CRB1: variants seen among roughly 807,000 people sequenced by gnomAD.
CRB1 encodes the protein crumbs cell polarity complex component 1, also known as protein crumbs homolog 1.
A neutral mutation model predicts 120.0 loss-of-function variants in CRB1; 83 were observed. The observed-to-expected ratio is 0.69, with a 90% CI of 0.58 to 0.83. CRB1 has a LOEUF of 0.83. CRB1 is among the 40% of genes least tolerant of loss of function. The pLI, the probability that CRB1 is intolerant of heterozygous loss-of-function variation, is 0.00. For synonymous variants in CRB1, 625 were observed against 612.5 expected (o/e 1.02, Z -0.30); for missense variants, 1,699 against 1,687.6 (o/e 1.01, Z -0.12).
intron 1 of CRB1, among the ~76,000 whole-genome samples, chr1:197,309,406 G>A (rs932084891): frequency 5.3e-5 from 8 of 151,766 alleles, no homozygotes; most frequent in Admixed American, 1.3e-4. Flanking sequence ...TTCTCCTTTC[G>A]TTTCTTCCAT....
At chr1:197,444,775 A>G (rs1665618913) in intron 11 of CRB1, 1 of 152,112 alleles carries the variant, frequency 6.6e-6, no homozygotes, top group Non-Finnish European at 1.5e-5. Flanking sequence ...GTGTGTGACT[A>G]TGGCTTTTAC....
chr1:197,457,216 G>A (rs368860541), intron 11 of CRB1, among the ~76,000 whole-genome samples: 4 of 151,870 alleles, frequency 2.6e-5, no homozygotes, highest in African/African-American at 4.8e-5. Flanking sequence ...TCATAGCATC[G>A]TATAATAATA....
chr1:197,427,981 G>A lies in CRB1; in HGVS notation c.2656G>A (p.Ala886Thr). ...PVLVNVTQGCAGDNSCKSNPC... is the reference protein window; with the variant it reads ...PVLVNVTQGCTGDNSCKSNPC... ...TCTTGTCAATGTAACCCAAGGCTGT[G>A]CTGGAGACAACAGCTGCAAGGTAAT... The change falls in exon 7 of 12, where the codon GCT becomes ACT. Residue 886 changes from alanine (A) to threonine (T), a missense_variant. Coordinates refer to ENST00000367400, the MANE Select transcript of CRB1 (RefSeq NM_201253.3). The A allele has an allele frequency of 6.2e-7, 1 of 1,613,810 alleles. No individual in the cohort carries two copies.
chr1:197,327,123 A>ACAAC (rs762419166), intron 1 of CRB1, among the ~76,000 whole-genome samples: 57,283 of 127,984 alleles, frequency 0.45, 14,573 homozygotes, highest in East Asian at 0.86. Flanking sequence ...AAAAAAAAAA[A>ACAAC]AAAAAAAAAC....
chr1:197,433,901 G>A (rs1664997325), intron 8 of CRB1, among the ~76,000 whole-genome samples: 1 of 152,098 alleles, frequency 6.6e-6, no homozygotes, highest in African/African-American at 2.4e-5. Context: ...AGATTTGATG[G>A]ATATCTGAGG....
chr1:197,450,784 C>CAAAAAAA (rs71131758), intron 11 of CRB1, among the ~76,000 whole-genome samples: 3 of 59,614 alleles, frequency 5.0e-5, no homozygotes, highest in African/African-American at 8.5e-5. Flanking sequence ...ACTAAAAATA[C>CAAAAAAA]AAAAAAAAAA....
At chr1:197,293,093 A>G (rs1164614823) in intron 1 of CRB1, among the ~76,000 whole-genome samples, 1 of 152,164 alleles carries the variant, frequency 6.6e-6, no homozygotes. Context: ...AATAAATGGT[A>G]TTCGATCAGG....
At chr1:197,406,795 T>C (rs1663433052) in intron 5 of CRB1, among the ~76,000 whole-genome samples, 1 of 152,222 alleles carries the variant, frequency 6.6e-6, no homozygotes, top group Non-Finnish European at 1.5e-5. Flanking sequence ...TATAGTTGTA[T>C]AGTGCTTTAT....
intron 2 of CRB1, among the ~76,000 whole-genome samples, chr1:197,332,960 G>T (rs747502476): frequency 1.3e-5 from 2 of 152,118 alleles, no homozygotes; most frequent in Non-Finnish European, 2.9e-5. Flanking sequence ...AAGACCATCA[G>T]CAATCAGCAT....
At chr1:197,319,676 T>TC (rs751786436) in intron 1 of CRB1, among the ~76,000 whole-genome samples, 5 of 152,146 alleles carry the variant, frequency 3.3e-5, no homozygotes, top group Non-Finnish European at 7.3e-5. Flanking sequence ...TCTTTTTTTT[T>TC]CTCACCCATT....
In CRB1 at chr1:197,369,913, G is replaced by A. The variant is rs529033978; in HGVS notation, c.1171+12900G>A. Among the ~76,000 whole-genome samples the A allele has an allele frequency of 7.7e-4, 117 of 152,162 alleles. 1 individual carries two copies. The highest frequency in any genetic ancestry group is 2.4e-3 in the African/African-American group (100 of 41,506). ...ATTTCTTCTGCAATCTTCTTGAATGGTGGTTGTCTTTTATTCTTCTTCCAA... is the reference window on the plus strand; with the variant it reads ...ATTTCTTCTGCAATCTTCTTGAATGATGGTTGTCTTTTATTCTTCTTCCAA... On this transcript the variant is annotated intron_variant, in intron 5 of 11. Coordinates refer to ENST00000367400, the MANE Select transcript of CRB1 (RefSeq NM_201253.3).
chr1:197,420,001 A>AAC (rs1664216192), intron 5 of CRB1, among the ~76,000 whole-genome samples: 1 of 28,386 alleles, frequency 3.5e-5, no homozygotes, highest in African/African-American at 4.4e-5. Flanking sequence ...AAAAAAAAAC[A>AAC]AACAAAAAAA....
intron 1 of CRB1, among the ~76,000 whole-genome samples, chr1:197,319,362 A>C (rs1358571256): frequency 8.1e-6 from 1 of 123,312 alleles, no homozygotes; most frequent in Non-Finnish European, 1.6e-5. Context: ...TGGGAGGTAG[A>C]GGTTGCAATG....
At chr1:197,398,888 ATGATTG>A (rs1436498896) in intron 5 of CRB1, among the ~76,000 whole-genome samples, 15 of 117,054 alleles carry the variant, frequency 1.3e-4, no homozygotes, top group African/African-American at 4.8e-4. Flanking sequence ...GGGTCAGGAA[ATGATTG>A]TGTGTGTGTG....
At chr1:197,230,774 T>C in the CRB1 span, among the ~76,000 whole-genome samples, 5 of 152,198 alleles carry the variant, frequency 3.3e-5, no homozygotes, top group African/African-American at 1.2e-4. Flanking sequence ...CAACATAATT[T>C]ACCCAAAGAA....
chr1:197,293,486 C>T (rs1656325598), intron 1 of CRB1, among the ~76,000 whole-genome samples: 1 of 152,050 alleles, frequency 6.6e-6, no homozygotes, highest in Admixed American at 6.6e-5. Context: ...GGCCATACTG[C>T]CTAAGGTAAT....
At chr1:197,466,053 C>T (rs1056121016) in intron 11 of CRB1, among the ~76,000 whole-genome samples, 3 of 152,300 alleles carry the variant, frequency 2.0e-5, no homozygotes, top group African/African-American at 7.2e-5. Flanking sequence ...TAAAACACAA[C>T]CTCCAAAGTT....
At chr1:197,261,072 A>T in the CRB1 span, among the ~76,000 whole-genome samples, 1 of 152,236 alleles carries the variant, frequency 6.6e-6, no homozygotes, top group Non-Finnish European at 1.5e-5. Flanking sequence ...AGTAAATGCA[A>T]ATGCTAAAAG....
the CRB1 span, among the ~76,000 whole-genome samples, chr1:197,227,938 G>T: frequency 2.6e-5 from 4 of 152,188 alleles, no homozygotes; most frequent in African/African-American, 7.2e-5. Context: ...ATACCATGTG[G>T]AAGCTGCCAA....
Sources: gnomAD v4.1 joint callset for allele counts (sites outside exome capture counted in the v4.1 genomes callset) on GRCh38, gnomAD v4.1.1 for gene constraint, MANE v1.5 for transcripts, NCBI Gene and HGNC (gene_info 2026-07-23, HGNC 2026-07-21) for gene names.